COX10: variants seen among roughly 807,000 people sequenced by gnomAD.
COX10 encodes cytochrome c oxidase assembly factor heme A:farnesyltransferase COX10.
In COX10, 27 loss-of-function variants were observed where a neutral mutation model predicts 37.3. The ratio of observed to expected loss-of-function variants is 0.72; its 90% CI spans 0.53 to 1.00. The LOEUF (loss-of-function observed/expected upper bound fraction) is 1.00, where lower values mean the gene tolerates loss of function less well. Among genes scored for constraint, COX10 ranks in the 50% least tolerant of loss-of-function variants. The pLI, the probability that COX10 is intolerant of heterozygous loss-of-function variation, is 0.00. For synonymous variants in COX10, 222 were observed against 229.1 expected (o/e 0.97, Z 0.28); for missense variants, 475 against 563.2 (o/e 0.84, Z 1.59).
At chr17:14,075,512 G>A (rs531011245) in intron 2 of COX10, among the ~76,000 whole-genome samples, 9 of 152,260 alleles carry the variant, frequency 5.9e-5, no homozygotes, top group African/African-American at 2.2e-4. Context: ...TAAAGAGAGA[G>A]AAAGAGAGGA....
chr17:14,084,377 C>T (rs1341647169), intron 3 of COX10, among the ~76,000 whole-genome samples: 1 of 151,770 alleles, frequency 6.6e-6, no homozygotes, highest in East Asian at 1.9e-4. Flanking sequence ...GATTGAAATC[C>T]TCCTGTAATT....
intron 4 of COX10, among the ~76,000 whole-genome samples, chr17:14,137,098 G>T (rs1904397136): frequency 6.6e-6 from 1 of 151,798 alleles, no homozygotes; most frequent in Admixed American, 6.6e-5. Context: ...CTAGAAGGCA[G>T]GCCTTCTTCT....
At chr17:14,114,084 T>G (rs1305114066) in intron 4 of COX10, among the ~76,000 whole-genome samples, 1 of 152,170 alleles carries the variant, frequency 6.6e-6, no homozygotes, top group African/African-American at 2.4e-5. Flanking sequence ...GTTAATTTAC[T>G]TTTTGTGTCA....
At chr17:14,192,338 A>C in intron 6 of COX10, 117 bp downstream of exon 6, 1 of 1,613,696 alleles carries the variant, frequency 6.2e-7, no homozygotes, top group Non-Finnish European at 8.5e-7. Flanking sequence ...TCTTTTAGCA[A>C]ATGTGCTGAT....
At chr17:14,160,590 C>T (rs1276553734) in intron 5 of COX10, among the ~76,000 whole-genome samples, 3 of 152,102 alleles carry the variant, frequency 2.0e-5, no homozygotes, top group African/African-American at 7.2e-5. Flanking sequence ...TCTTTCTTCA[C>T]GTTTCCAGGC....
intron 2 of COX10, among the ~76,000 whole-genome samples, chr17:14,075,018 A>C (rs1291082680): frequency 1.3e-5 from 2 of 152,198 alleles, no homozygotes. Context: ...ATTGCCAGGA[A>C]GGCCATTTGC....
intron 6 of COX10, among the ~76,000 whole-genome samples, chr17:14,201,699 A>C (rs1024535004): frequency 1.4e-4 from 21 of 152,086 alleles, no homozygotes; most frequent in Admixed American, 1.2e-3. Flanking sequence ...GAATGATCCA[A>C]TTCCTTCCCC....
At chr17:14,192,258 A>G (rs1237502739) in intron 6 of COX10, 37 bp downstream of exon 6, 3 of 1,614,014 alleles carry the variant, frequency 1.9e-6, no homozygotes, top group South Asian at 2.2e-5. Context: ...ATATGAGCAC[A>G]CTCGGTCAAG....
intron 6 of COX10, among the ~76,000 whole-genome samples, chr17:14,195,493 T>C (rs943780604): frequency 2.0e-5 from 3 of 152,250 alleles, no homozygotes; most frequent in Non-Finnish European, 4.4e-5. Context: ...ACCTAGTAGT[T>C]ACACTATCAA....
intron 5 of COX10, among the ~76,000 whole-genome samples, chr17:14,185,891 A>C (rs2856200): frequency 0.99 from 149,565 of 150,510 alleles, 74,324 homozygotes; most frequent in Middle Eastern, 1. Context: ...ACTTAAAGTG[A>C]AAACCATGAT....
intron 6 of COX10, among the ~76,000 whole-genome samples, chr17:14,197,006 C>T (rs534115128): frequency 6.6e-6 from 1 of 152,288 alleles, no homozygotes; most frequent in East Asian, 1.9e-4. Context: ...ACCCTTTAGT[C>T]ACCCAGTCAC....
intron 5 of COX10, among the ~76,000 whole-genome samples, chr17:14,184,639 A>T (rs1418617586): frequency 6.6e-6 from 1 of 152,226 alleles, no homozygotes; most frequent in African/African-American, 2.4e-5. Context: ...AAGTCTAAGG[A>T]TATATCCAAA....
chr17:14,110,892 T>C (rs987099696), intron 4 of COX10, among the ~76,000 whole-genome samples: 1 of 152,142 alleles, frequency 6.6e-6, no homozygotes, highest in African/African-American at 2.4e-5. Flanking sequence ...AACATTTCGA[T>C]GCCTTCATAT....
intron 3 of COX10, among the ~76,000 whole-genome samples, chr17:14,085,460 A>G (rs1278064681): frequency 6.6e-6 from 1 of 152,098 alleles, no homozygotes; most frequent in Non-Finnish European, 1.5e-5. Context: ...TTTCCTTGTT[A>G]ATGGACATTT....
chr17:14,113,950 T>C (rs563958022), intron 4 of COX10, among the ~76,000 whole-genome samples: 3 of 152,176 alleles, frequency 2.0e-5, no homozygotes, highest in Non-Finnish European at 4.4e-5. Context: ...CGACAATGTA[T>C]ATTGTATCTT....
intron 3 of COX10, among the ~76,000 whole-genome samples, chr17:14,088,680 G>C (rs1410031593): frequency 6.6e-6 from 1 of 152,144 alleles, no homozygotes; most frequent in Non-Finnish European, 1.5e-5. Context: ...CATCACATAA[G>C]TGAAAATTTG....
intron 3 of COX10, 118 bp from the exon 4 acceptor site, chr17:14,102,000 T>C (rs1487353499): frequency 7.9e-7 from 1 of 1,264,136 alleles, no homozygotes; most frequent in Admixed American, 1.7e-5. Context: ...GCCTGTACTT[T>C]GTGTTATTAA....
chr17:14,123,336 A>G (rs1916267188), intron 4 of COX10, among the ~76,000 whole-genome samples: 1 of 152,302 alleles, frequency 6.6e-6, no homozygotes, highest in South Asian at 2.1e-4. Context: ...ACAATCTATC[A>G]TAGTGAATCT....
At chr17:14,183,429 T>C (rs1403204626) in intron 5 of COX10, among the ~76,000 whole-genome samples, 1 of 152,196 alleles carries the variant, frequency 6.6e-6, no homozygotes. Context: ...CCTGTTCAAC[T>C]CTATTTCAGA....
Sources: allele counts gnomAD v4.1 joint callset (sites outside exome capture counted in the v4.1 genomes callset), GRCh38; gene constraint gnomAD v4.1.1; transcripts MANE v1.5; gene names NCBI Gene and HGNC (gene_info 2026-07-23, HGNC 2026-07-21).